The following ARFGEF1 variants were observed in gnomAD, a reference collection of about 807,000 sequenced individuals.
ARFGEF1 encodes the protein brefeldin A-inhibited guanine nucleotide-exchange protein 1.
In ARFGEF1, 42 loss-of-function variants were observed where a neutral mutation model predicts 231.0. The observed-to-expected ratio is 0.18, with a 90% CI of 0.14 to 0.24. The LOEUF (loss-of-function observed/expected upper bound fraction) is 0.24, where lower values mean the gene tolerates loss of function less well. Ranked by LOEUF, ARFGEF1 falls within the 10% of genes least tolerant of loss-of-function variation. The pLI is 1.00. For missense variants in ARFGEF1, 1,345 were observed against 2,192.0 expected (o/e 0.61, Z 7.72); for synonymous variants, 710 against 732.3 (o/e 0.97, Z 0.49).
At chr8:67,215,201 T>C (rs1228171481) in intron 33 of ARFGEF1, among the ~76,000 whole-genome samples, 1 of 152,184 alleles carries the variant, frequency 6.6e-6, no homozygotes, top group Non-Finnish European at 1.5e-5. Context: ...AAGAGTGTCA[T>C]CCATCCTTAA....
intron 36 of ARFGEF1, 150 bp downstream of exon 36, chr8:67,202,933 T>C (rs1838385315): frequency 1.3e-6 from 1 of 743,864 alleles, no homozygotes; most frequent in Non-Finnish European, 2.0e-6. Context: ...AAGGGCCTCG[T>C]TGTGAGGTTA....
chr8:67,218,207 A>AATATATAT lies in ARFGEF1; in HGVS notation c.4339-77_4339-70dup, dbSNP rs1228163654. 209 of 91,308 alleles carry AATATATAT rather than the reference A, an allele frequency of 2.3e-3. 1 individual carries two copies. The highest frequency in any genetic ancestry group is 3.2e-3 in the South Asian group (9 of 2,808). The allele number at this position is 91,308 out of a possible 1,614,324, so 5.7% of individuals were successfully genotyped here. On this transcript the variant is annotated intron_variant, in intron 30 of 38. Coordinates refer to ENST00000262215, the MANE Select transcript of ARFGEF1 (RefSeq NM_006421.5). ...TACTATGATTAAAAAAAAAAAAAAAAATATATATATATATATATATATATA... is the reference window on the plus strand; with the variant it reads ...TACTATGATTAAAAAAAAAAAAAAAAATATATATATATATATATATATATATATATATA...
intron 34 of ARFGEF1, 56 bp from the exon 35 acceptor site, chr8:67,204,875 T>C: frequency 6.3e-7 from 1 of 1,591,450 alleles, no homozygotes; most frequent in Non-Finnish European, 8.6e-7. Flanking sequence ...TTGAATCCTT[T>C]ATAATTTCCA....
chr8:67,297,019 T>G (rs1398073880), intron 4 of ARFGEF1, among the ~76,000 whole-genome samples: 5 of 152,178 alleles, frequency 3.3e-5, no homozygotes, highest in Admixed American at 1.3e-4. Flanking sequence ...CAATTAAAAC[T>G]TTCAGAAACA....
intron 1 of ARFGEF1, among the ~76,000 whole-genome samples, chr8:67,326,378 C>T (rs1807834013): frequency 6.6e-6 from 1 of 152,182 alleles, no homozygotes; most frequent in African/African-American, 2.4e-5. Flanking sequence ...TAAATCTATA[C>T]TGGTTAACAC....
chr8:67,196,825 G>A (rs149636245), downstream of ARFGEF1, among the ~76,000 whole-genome samples: 115 of 152,228 alleles, frequency 7.6e-4, 1 homozygote, highest in African/African-American at 2.6e-3. Flanking sequence ...ACAGTGGCTC[G>A]CAGTTCTAGC....
At chr8:67,264,697 T>C (rs572014992) in intron 14 of ARFGEF1, among the ~76,000 whole-genome samples, 126 of 152,234 alleles carry the variant, frequency 8.3e-4, no homozygotes, top group Middle Eastern at 6.8e-3. Context: ...CATGAAAGCA[T>C]TCTCATCAAT....
chr8:67,195,794 A>AGATT, downstream of ARFGEF1: 1 of 542,452 alleles, frequency 1.8e-6, no homozygotes, highest in Non-Finnish European at 3.3e-6. Context: ...AGAATTGTAT[A>AGATT]GATTATTTTT....
intron 31 of ARFGEF1, 39 bp from the exon 32 acceptor site, chr8:67,217,959 G>T (rs758724655): frequency 6.2e-7 from 1 of 1,611,472 alleles, no homozygotes; most frequent in Non-Finnish European, 8.5e-7. Flanking sequence ...ATATTACCAG[G>T]GTCACATTTA....
At chr8:67,211,388 T>G in intron 34 of ARFGEF1, 95 bp downstream of exon 34, 1 of 685,042 alleles carries the variant, frequency 1.5e-6, no homozygotes. Flanking sequence ...CAATCAATTA[T>G]AGTATATGCT....
intron 20 of ARFGEF1, among the ~76,000 whole-genome samples, 170 bp from the exon 21 acceptor site, chr8:67,239,063 A>G (rs1224635462): frequency 1.3e-5 from 2 of 151,654 alleles, no homozygotes; most frequent in East Asian, 1.9e-4. Flanking sequence ...CTGGGGTTCA[A>G]TGGCGCAATC....
At chr8:67,207,616 A>G (rs1838568485) in intron 34 of ARFGEF1, among the ~76,000 whole-genome samples, 1 of 152,216 alleles carries the variant, frequency 6.6e-6, no homozygotes, top group African/African-American at 2.4e-5. Flanking sequence ...GATTTTAACT[A>G]TGTGGGACTA....
At chr8:67,196,882 A>C (rs1330044603), downstream of ARFGEF1, among the ~76,000 whole-genome samples, 1 of 152,220 alleles carries the variant, frequency 6.6e-6, no homozygotes, top group Non-Finnish European at 1.5e-5. Context: ...GGTGTAACAA[A>C]TACAGCACAC....
intron 10 of ARFGEF1, among the ~76,000 whole-genome samples, chr8:67,268,076 A>C (rs1288196051): frequency 2.0e-5 from 3 of 152,232 alleles, no homozygotes; most frequent in Non-Finnish European, 4.4e-5. Flanking sequence ...TTCAGATTTA[A>C]ATGTATTCTA....
At chr8:67,318,185 C>T (rs1305496143) in intron 1 of ARFGEF1, among the ~76,000 whole-genome samples, 2 of 144,506 alleles carry the variant, frequency 1.4e-5, no homozygotes, top group East Asian at 2.1e-4. Context: ...TGCAGTGAGC[C>T]GAGATGGTGC....
At chr8:67,264,498 G>A (rs112100851) in intron 14 of ARFGEF1, among the ~76,000 whole-genome samples, 7,933 of 152,088 alleles carry the variant, frequency 0.052, 329 homozygotes, top group African/African-American at 0.11. Flanking sequence ...TTTGTTTTGG[G>A]TAGGAGAACT....
At chr8:67,250,890 G>A (rs1840262883) in intron 19 of ARFGEF1, among the ~76,000 whole-genome samples, 1 of 152,036 alleles carries the variant, frequency 6.6e-6, no homozygotes, top group Non-Finnish European at 1.5e-5. Flanking sequence ...CTACTTTCTG[G>A]GCCCCAGGCA....
intron 27 of ARFGEF1, 74 bp downstream of exon 27, chr8:67,227,063 G>A: frequency 1.5e-6 from 2 of 1,354,288 alleles, no homozygotes; most frequent in Non-Finnish European, 2.0e-6. Flanking sequence ...ATTGTTACTT[G>A]AATCATCTTC....
At chr8:67,247,994 TGAAA>T in intron 19 of ARFGEF1, among the ~76,000 whole-genome samples, 1 of 150,110 alleles carries the variant, frequency 6.7e-6, no homozygotes, top group African/African-American at 2.5e-5. Flanking sequence ...AGAACAGTGA[TGAAA>T]GACACTGAAG....
Sources: gnomAD v4.1 joint callset for allele counts (sites outside exome capture counted in the v4.1 genomes callset) on GRCh38, gnomAD v4.1.1 for gene constraint, MANE v1.5 for transcripts, NCBI Gene and HGNC (gene_info 2026-07-23, HGNC 2026-07-21) for gene names.